Variants in FOXP1 observed in about 807,000 individuals in gnomAD.
FOXP1 encodes the protein forkhead box protein P1.
Under a neutral mutation model 98.2 loss-of-function variants are expected in FOXP1, and 15 were observed. The observed-to-expected ratio is 0.15, with a 90% CI of 0.10 to 0.24. FOXP1 has a LOEUF of 0.24. Among genes scored for constraint, FOXP1 ranks in the 10% least tolerant of loss-of-function variants. The pLI, the probability that FOXP1 is intolerant of heterozygous loss-of-function variation, is 1.00. For synonymous variants in FOXP1, 371 were observed against 314.5 expected (o/e 1.18, Z -1.90); for missense variants, 633 against 848.5 (o/e 0.75, Z 3.15).
chr3:71,118,601 A>G (rs577884377), intron 6 of FOXP1, among the ~76,000 whole-genome samples: 77 of 152,314 alleles, frequency 5.1e-4, no homozygotes, highest in Admixed American at 1.8e-3. Flanking sequence ...GAGGTCTTCA[A>G]AAAATATGAC....
intron 5 of FOXP1, among the ~76,000 whole-genome samples, chr3:71,278,826 A>G (rs2071198227): frequency 6.6e-6 from 1 of 152,048 alleles, no homozygotes; most frequent in Admixed American, 6.5e-5. Context: ...AATACCAATT[A>G]AATAATACCC....
At chr3:71,166,161 T>C (rs544809564) in intron 6 of FOXP1, among the ~76,000 whole-genome samples, 5 of 152,134 alleles carry the variant, frequency 3.3e-5, no homozygotes, top group Non-Finnish European at 7.4e-5. Context: ...CTGTGTAGTA[T>C]GTGCAGGGAG....
chr3:71,470,071 AAATT>A (rs1375250151), intron 3 of FOXP1, among the ~76,000 whole-genome samples: 3 of 151,810 alleles, frequency 2.0e-5, no homozygotes, highest in African/African-American at 7.2e-5. Context: ...TAATAAAATA[AAATT>A]AATAAAAATA....
intron 3 of FOXP1, among the ~76,000 whole-genome samples, chr3:71,434,753 G>A (rs1339593655): frequency 6.6e-6 from 1 of 151,614 alleles, no homozygotes; most frequent in Non-Finnish European, 1.5e-5. Flanking sequence ...TTTATTAAAG[G>A]TAATAGAGTA....
chr3:70,982,046 G>A (rs1044527716), intron 14 of FOXP1, among the ~76,000 whole-genome samples: 3 of 152,158 alleles, frequency 2.0e-5, no homozygotes, highest in African/African-American at 7.2e-5. Context: ...TTGTCTGGAG[G>A]AGAAACCATC....
At chr3:71,289,237 C>T (rs1262764827) in intron 5 of FOXP1, among the ~76,000 whole-genome samples, 1 of 151,622 alleles carries the variant, frequency 6.6e-6, no homozygotes, top group Non-Finnish European at 1.5e-5. Flanking sequence ...GACAGGGTTT[C>T]CCCATGTTGG....
chr3:70,971,866 ACATGTACAAAT>A (rs2036334094), intron 18 of FOXP1: 1 of 547,970 alleles, frequency 1.8e-6, no homozygotes, highest in African/African-American at 1.9e-5. Context: ...CGAGAGCAAT[ACATGTACAAAT>A]CACACAATTT....
At chr3:71,303,870 C>A (rs1486671374) in intron 4 of FOXP1, among the ~76,000 whole-genome samples, 1 of 152,026 alleles carries the variant, frequency 6.6e-6, no homozygotes, top group Non-Finnish European at 1.5e-5. Flanking sequence ...AGCAAGGAAA[C>A]AAGAAAGAAA....
intron 17 of FOXP1, among the ~76,000 whole-genome samples, chr3:70,976,017 T>A (rs2037417742): frequency 6.6e-6 from 1 of 151,594 alleles, no homozygotes; most frequent in Non-Finnish European, 1.5e-5. Flanking sequence ...AATCTACTTT[T>A]CTTCCTTAGT....
chr3:71,219,126 A>G (rs1230761956), intron 5 of FOXP1, among the ~76,000 whole-genome samples: 1 of 151,568 alleles, frequency 6.6e-6, no homozygotes, highest in Non-Finnish European at 1.5e-5. Flanking sequence ...CACCCACACT[A>G]CCTCCTATTT....
intron 6 of FOXP1, among the ~76,000 whole-genome samples, chr3:71,161,489 G>T (rs1361981586): frequency 1.3e-5 from 2 of 152,184 alleles, no homozygotes; most frequent in East Asian, 1.9e-4. Flanking sequence ...AAAGCCACCA[G>T]GCTTGGAACT....
chr3:71,332,627 A>G (rs1255832806), intron 4 of FOXP1: 1 of 152,380 alleles, frequency 6.6e-6, no homozygotes, highest in Non-Finnish European at 1.5e-5. Context: ...AATCACAGCT[A>G]CTCGGGAGGC....
At chr3:71,365,718 C>T (rs991422497) in intron 3 of FOXP1, among the ~76,000 whole-genome samples, 2 of 152,214 alleles carry the variant, frequency 1.3e-5, no homozygotes, top group African/African-American at 4.8e-5. Flanking sequence ...GGTGCGGTGG[C>T]TCACGCCTAT....
chr3:71,075,556 C>T (rs1184997558), intron 7 of FOXP1, among the ~76,000 whole-genome samples: 1 of 152,166 alleles, frequency 6.6e-6, no homozygotes, highest in Admixed American at 6.5e-5. Flanking sequence ...ACCAGGGTCA[C>T]TAGACCAAGA....
intron 5 of FOXP1, among the ~76,000 whole-genome samples, chr3:71,283,270 T>A (rs1244624395): frequency 6.6e-6 from 1 of 152,180 alleles, no homozygotes; most frequent in Non-Finnish European, 1.5e-5. Flanking sequence ...TAATTCCCAG[T>A]GCCCCCAGTG....
chr3:71,339,478 CTTG>C (rs748688850), intron 4 of FOXP1, among the ~76,000 whole-genome samples: 1 of 152,212 alleles, frequency 6.6e-6, no homozygotes, highest in Non-Finnish European at 1.5e-5. Flanking sequence ...GTCTCCTCTC[CTTG>C]TTGTAACTCT....
At chr3:71,223,433 T>C (rs1027299852) in intron 5 of FOXP1, among the ~76,000 whole-genome samples, 10 of 152,258 alleles carry the variant, frequency 6.6e-5, no homozygotes, top group Middle Eastern at 3.4e-3. Flanking sequence ...CGGTGGCTCA[T>C]GCCTGTAATC....
rs541849025 is a variant in FOXP1, at chr3:71,237,009, A to G, written c.-11-38617T>C. Among the ~76,000 whole-genome samples, 115 of 151,874 alleles carry G rather than the reference A, an allele frequency of 7.6e-4. 1 individual carries two copies. Among genetic ancestry groups the G allele is most frequent in the Admixed American group, 7.0e-3 (107 of 15,268 alleles). On this transcript the variant is annotated intron_variant, in intron 5 of 20. Transcript: ENST00000649528. ...AGCACTTTGAAAGGCCGAGGCGGGC[A>G]AATCACGAGGTCAGGAGTTTGAGAC...
chr3:71,034,680 T>G (rs1033175082), intron 11 of FOXP1, among the ~76,000 whole-genome samples: 2 of 152,186 alleles, frequency 1.3e-5, no homozygotes, highest in Non-Finnish European at 2.9e-5. Context: ...CACCATCACA[T>G]GTCAGGTCCT....
Sources: allele counts gnomAD v4.1 joint callset (sites outside exome capture counted in the v4.1 genomes callset), GRCh38; gene constraint gnomAD v4.1.1; transcripts MANE v1.5; gene names NCBI Gene and HGNC (gene_info 2026-07-23, HGNC 2026-07-21).